Variants in DEPDC7 observed in about 807,000 individuals in gnomAD.
DEPDC7 encodes the protein DEP domain-containing protein 7.
DEPDC7 carries 41 observed loss-of-function variants against 56.6 expected under a neutral mutation model. That is an observed-to-expected ratio of 0.72 (90% CI 0.56 to 0.94). The LOEUF is 0.94. Ranked by LOEUF, DEPDC7 falls within the 40% of genes least tolerant of loss-of-function variation. The pLI, the probability that DEPDC7 is intolerant of heterozygous loss-of-function variation, is 0.00. For missense variants in DEPDC7, 522 were observed against 596.3 expected (o/e 0.88, Z 1.30); for synonymous variants, 185 against 208.8 (o/e 0.89, Z 0.98).
chr11:33,021,137 G>A (rs983660222), intron 1 of DEPDC7, among the ~76,000 whole-genome samples: 1 of 151,870 alleles, frequency 6.6e-6, no homozygotes, highest in Admixed American at 6.6e-5. Context: ...TGTAATCCTA[G>A]CTACTTGGGA....
chr11:33,018,386 C>A (rs959013676), intron 1 of DEPDC7, among the ~76,000 whole-genome samples: 5 of 152,170 alleles, frequency 3.3e-5, no homozygotes, highest in African/African-American at 1.2e-4. Context: ...TTTAAAACCT[C>A]TTTTGAAAAA....
chr11:33,024,021 T>C (rs1228057989), intron 1 of DEPDC7, among the ~76,000 whole-genome samples: 2 of 152,214 alleles, frequency 1.3e-5, no homozygotes, highest in Non-Finnish European at 2.9e-5. Context: ...CTGCTGAATT[T>C]TCAGAGGATC....
intron 2 of DEPDC7, 170 bp downstream of exon 2, chr11:33,026,219 G>A: frequency 7.6e-6 from 5 of 662,078 alleles, no homozygotes; most frequent in South Asian, 3.7e-5. Flanking sequence ...TTTATTGGGT[G>A]TCTCCTAGTC....
rs1165475516 is a variant in DEPDC7, at chr11:33,025,702, G to C, written c.117G>C (p.Trp39Cys). The C allele has an allele frequency of 6.2e-7, 1 of 1,613,818 alleles. No homozygotes were observed. The highest frequency in any genetic ancestry group is 2.2e-5 in the East Asian group (1 of 44,858). The change falls in exon 2 of 9, where the codon TGG becomes TGC. Residue 39 changes from tryptophan to cysteine, a missense_variant. Trp to Cys is a radical substitution (Grantham distance 215, BLOSUM62 -2). Transcript: ENST00000241051. ...AGCCATTTGGAGCCACGTATGTATG[G>C]AGCAGCATCATAAACACTCTTCAAA... Reference protein sequence around the residue: ...AQKPFGATYVWSSIINTLQTQ... With the variant: ...AQKPFGATYVCSSIINTLQTQ...
At chr11:33,030,051 C>G (rs1853616644) in intron 4 of DEPDC7, among the ~76,000 whole-genome samples, 1 of 152,154 alleles carries the variant, frequency 6.6e-6, no homozygotes, top group African/African-American at 2.4e-5. Context: ...CCTCCGCCTC[C>G]CGGGTTCAAG....
Position 33,015,905 on chromosome 11 carries a change from C to T in DEPDC7, c.-51C>T, listed in dbSNP as rs1056943162. The T allele has an allele frequency of 1.2e-5, 18 of 1,521,278 alleles. No homozygotes were observed. Among genetic ancestry groups the T allele is most frequent in the East Asian group, 1.0e-4 (4 of 38,758 alleles). 94.2% of individuals were successfully genotyped at this position (1,521,278 alleles called of 1,614,324 possible). On this transcript the variant is annotated 5_prime_UTR_variant, in exon 1 of 9. Coordinates refer to ENST00000241051, the MANE Select transcript of DEPDC7 (RefSeq NM_001077242.2). Reference sequence around the variant, plus strand: ...AGTTAACAGACGGGCGCTCAGGGAGCTAGGGAGCTGTGAAGCTGCTGGAGG... The same window carrying T: ...AGTTAACAGACGGGCGCTCAGGGAGTTAGGGAGCTGTGAAGCTGCTGGAGG...
chr11:33,024,434 ATG>A (rs760322915), intron 1 of DEPDC7, among the ~76,000 whole-genome samples: 21 of 151,638 alleles, frequency 1.4e-4, no homozygotes, highest in South Asian at 1.3e-3. Flanking sequence ...ATCAATGTGT[ATG>A]TGTGTGTGTG....
At chr11:33,027,571 T>G in intron 2 of DEPDC7, 115 bp from the exon 3 acceptor site, 3 of 857,834 alleles carry the variant, frequency 3.5e-6, no homozygotes, top group Non-Finnish European at 3.2e-6. Context: ...AGAATTTGGA[T>G]TTGTTGTGTT....
Position 33,032,808 on chromosome 11 carries a change from G to T in DEPDC7, c.1263+15G>T, listed in dbSNP as rs1388283619. 1.3e-6 allele frequency: 2 copies of T among 1,595,236 alleles called. No individual in the cohort carries two copies. Among genetic ancestry groups the T allele is most frequent in the Non-Finnish European group, 8.5e-7 (1 of 1,173,028 alleles). ...ATGTTTTTAAGGTAAAATTGTGAAA[G>T]TAGTTAAATTGAGCTTATGTAATAG... On this transcript the variant is annotated intron_variant, in intron 7 of 8. Transcript: ENST00000241051.
In DEPDC7 at chr11:33,021,957, C is replaced by T. The variant is rs544804543; in HGVS notation, c.74-3702C>T. 3.9e-5 allele frequency among the ~76,000 whole-genome samples: 6 copies of T among 152,248 alleles called. No homozygotes were observed. The South Asian group carries it at 1.2e-3, about 32-fold the overall frequency. ...TCTACTCATTGAGGCCAAATATCCC[C>T]TCTCACCGCCCTCTTCAGCTGTCTT... On this transcript the variant is annotated intron_variant, in intron 1 of 8. Transcript: ENST00000241051.
intron 3 of DEPDC7, chr11:33,028,116 A>AT (rs1317207453): frequency 1.3e-5 from 3 of 234,278 alleles, no homozygotes; most frequent in African/African-American, 6.8e-5. Flanking sequence ...CTAAGATTTT[A>AT]TTAGGTCAAG....
At chr11:33,033,018 G>A in intron 8 of DEPDC7, 51 bp downstream of exon 8, 1 of 1,389,912 alleles carries the variant, frequency 7.2e-7, no homozygotes, top group South Asian at 1.3e-5. Flanking sequence ...AATTTCAGGT[G>A]TTTTTTGAAA....
chr11:33,025,121 A>C (rs1853564271), intron 1 of DEPDC7, among the ~76,000 whole-genome samples: 1 of 151,882 alleles, frequency 6.6e-6, no homozygotes, highest in Non-Finnish European at 1.5e-5. Flanking sequence ...TCCTTGATCT[A>C]ACTTCCTGTT....
intron 1 of DEPDC7, among the ~76,000 whole-genome samples, chr11:33,022,861 A>C (rs1022440897): frequency 6.6e-6 from 1 of 152,228 alleles, no homozygotes; most frequent in African/African-American, 2.4e-5. Context: ...AGTTCCTGAA[A>C]TAGCTCACAT....
Position 33,028,746 on chromosome 11 carries a change from A to G in DEPDC7, c.736A>G (p.Ser246Gly), listed in dbSNP as rs1853603839. ...GAGGCAGTCCACCATGGTCAACAGC[A>G]GTAACTATCTGGATCGAGGGATTCT... Reference protein sequence around the residue: ...PKRQSTMVNSSNYLDRGILKA... With the variant: ...PKRQSTMVNSGNYLDRGILKA... The change falls in exon 4 of 9, where the codon AGT becomes GGT. Residue 246 changes from serine to glycine, a missense_variant. Ser to Gly is a moderately conservative substitution (Grantham distance 56, BLOSUM62 0). Transcript: ENST00000241051. 6.2e-7 allele frequency: 1 copy of G among 1,613,770 alleles called. No individual in the cohort carries two copies. The highest frequency in any genetic ancestry group is 2.2e-5 in the East Asian group (1 of 44,860).
At chr11:33,031,925 T>C (rs1853637046) in intron 5 of DEPDC7, among the ~76,000 whole-genome samples, 1 of 152,210 alleles carries the variant, frequency 6.6e-6, no homozygotes, top group African/African-American at 2.4e-5. Flanking sequence ...GACTCTCTGC[T>C]TTGTCTCTCT....
intron 1 of DEPDC7, chr11:33,016,687 C>A: frequency 8.6e-7 from 1 of 1,157,764 alleles, no homozygotes; most frequent in Non-Finnish European, 1.3e-6. Flanking sequence ...GCAAATTCTG[C>A]CACGGGCCTA....
intron 4 of DEPDC7, 128 bp from the exon 5 acceptor site, chr11:33,031,250 T>C: frequency 7.6e-6 from 5 of 659,066 alleles, no homozygotes; most frequent in Non-Finnish European, 1.3e-5. Flanking sequence ...TCTTTTAAGC[T>C]CATGTAGAAA....
intron 1 of DEPDC7, among the ~76,000 whole-genome samples, chr11:33,022,039 C>A (rs1424000083): frequency 1.3e-5 from 2 of 152,162 alleles, no homozygotes; most frequent in African/African-American, 4.8e-5. Context: ...GTGTGCTAAC[C>A]TACTTATAGC....
Sources: allele counts gnomAD v4.1 joint callset (sites outside exome capture counted in the v4.1 genomes callset), GRCh38; gene constraint gnomAD v4.1.1; transcripts MANE v1.5; gene names NCBI Gene and HGNC (gene_info 2026-07-23, HGNC 2026-07-21).